DISP1: variants seen among roughly 807,000 people sequenced by gnomAD.
The protein encoded by DISP1 is protein dispatched homolog 1.
Under a neutral mutation model 37.3 loss-of-function variants are expected in DISP1, and 30 were observed. That is an observed-to-expected ratio of 0.80 (90% CI 0.60 to 1.09). DISP1 has a LOEUF of 1.09. DISP1 is among the 50% of genes least tolerant of loss of function. The pLI is 0.00. For synonymous variants in DISP1, 634 were observed against 690.2 expected, an observed-to-expected ratio of 0.92 and a Z score of 1.28; for missense variants, 1,598 against 1,879.5, an observed-to-expected ratio of 0.85 and a Z score of 2.77.
At chr1:222,903,390 T>C (rs996402952) in intron 1 of DISP1, among the ~76,000 whole-genome samples, 7 of 151,572 alleles carry the variant, frequency 4.6e-5, no homozygotes, top group Admixed American at 1.3e-4. Flanking sequence ...GTGGCATATG[T>C]ATACATATGT....
chr1:223,004,707 G>C lies in DISP1; in HGVS notation c.3310G>C (p.Ala1104Pro), dbSNP rs913637974. 1 of 1,613,860 alleles carries C rather than the reference G, an allele frequency of 6.2e-7. No individual in the cohort carries two copies. Among genetic ancestry groups the C allele is most frequent in the Non-Finnish European group, 8.5e-7 (1 of 1,180,038 alleles). The change falls in exon 9 of 9, where the codon GCT (alanine) becomes CCT (proline). Residue 1104 changes from alanine to proline, a missense_variant. Ala to Pro is a conservative substitution (Grantham distance 27, BLOSUM62 -1). Coordinates refer to ENST00000675850, the MANE Select transcript of DISP1 (RefSeq NM_001377229.1). This position sits in a 1 kb window ranked among gnomAD's most constrained non-coding sequence, Gnocchi z 4.9. ...GAMMMPSTVL[A>P]YTQLGTFMML... ...CATGATGATGCCCTCCACAGTTCTA[G>C]CTTACACCCAGCTGGGCACCTTCAT... is the stretch of plus-strand genomic sequence containing the variant.
intron 3 of DISP1, among the ~76,000 whole-genome samples, chr1:222,973,580 C>G (rs1401371486): frequency 1.3e-5 from 2 of 152,144 alleles, no homozygotes; most frequent in Non-Finnish European, 2.9e-5. Context: ...TTCTTATTAA[C>G]AAGTGAACAG....
rs758331125 is a variant in DISP1, at chr1:223,003,348, T to G, written c.1951T>G (p.Trp651Gly). 1 of 1,614,176 alleles carries G rather than the reference T, an allele frequency of 6.2e-7. No homozygotes were observed. The highest frequency in any genetic ancestry group is 1.1e-5 in the South Asian group (1 of 91,088). Residue 651 changes from tryptophan (W) to glycine (G), a missense_variant, in exon 9 of 9, where the codon TGG becomes GGG. Transcript: ENST00000675850. The surrounding 1 kb of genome is among the most constrained non-coding windows in gnomAD (Gnocchi z 4.3). Reference sequence around the variant, plus strand: ...GGTGAATTACGTTTTGATGGTCACATGGCTTCCAGCAGTTGTTGTGCTGCA... The same window carrying G: ...GGTGAATTACGTTTTGATGGTCACAGGGCTTCCAGCAGTTGTTGTGCTGCA... ...ILVNYVLMVTWLPAVVVLHER... is the reference protein window; with the variant it reads ...ILVNYVLMVTGLPAVVVLHER...
At position 222,966,224 on chromosome 1, in the gene DISP1, C is replaced by CA. The variant is rs1676477640; in HGVS notation, c.510-16853dup. On this transcript the variant is annotated intron_variant, in intron 3 of 8. Coordinates refer to ENST00000675850, the MANE Select transcript of DISP1 (RefSeq NM_001377229.1). ...GATATTGTTGATTCAGGTGGGAACT[C>CA]AAACTTGGAAAGAAACTAAAATGTA... is the stretch of plus-strand genomic sequence containing the variant. 2.0e-5 allele frequency among the ~76,000 whole-genome samples: 3 copies of CA among 152,034 alleles called. 1 individual carries two copies. The highest frequency in any genetic ancestry group is 2.4e-5 in the African/African-American group (1 of 41,376).
intron 1 of DISP1, among the ~76,000 whole-genome samples, chr1:222,915,081 C>T (rs954487543): frequency 6.6e-6 from 1 of 152,160 alleles, no homozygotes; most frequent in African/African-American, 2.4e-5. Context: ...CTGTGGTTGT[C>T]CTGGACACTG....
intron 1 of DISP1, among the ~76,000 whole-genome samples, chr1:222,819,538 C>CTTTT (rs762729584): frequency 8.5e-6 from 1 of 118,292 alleles, no homozygotes; most frequent in Non-Finnish European, 1.7e-5. Context: ...ACACACATAT[C>CTTTT]TTTTTTTTTT....
intron 1 of DISP1, among the ~76,000 whole-genome samples, chr1:222,905,852 T>A (rs1201190674): frequency 3.3e-5 from 5 of 151,864 alleles, no homozygotes; most frequent in African/African-American, 4.8e-5. Context: ...TAAAAGCAAA[T>A]TTAAAAATAT....
intron 1 of DISP1, among the ~76,000 whole-genome samples, chr1:222,877,432 A>G (rs1038423023): frequency 4.6e-5 from 7 of 152,214 alleles, no homozygotes; most frequent in Admixed American, 3.9e-4. Context: ...CTTATTCACT[A>G]TCACAAGAAC....
intron 1 of DISP1, among the ~76,000 whole-genome samples, chr1:222,834,183 T>C (rs964160202): frequency 1.3e-5 from 2 of 152,176 alleles, no homozygotes; most frequent in African/African-American, 4.8e-5. Context: ...ATTTTTCTTC[T>C]GCTTACCCCC....
At chr1:222,972,843 A>G (rs533347420) in intron 3 of DISP1, among the ~76,000 whole-genome samples, 11 of 152,210 alleles carry the variant, frequency 7.2e-5, no homozygotes, top group African/African-American at 2.4e-4. Context: ...TTTCCTGGCA[A>G]ATTGTCCAAG....
intron 7 of DISP1, among the ~76,000 whole-genome samples, chr1:222,994,525 CT>C: frequency 6.6e-6 from 1 of 152,166 alleles, no homozygotes; most frequent in East Asian, 1.9e-4. Flanking sequence ...CCTAGTGCAT[CT>C]TTTTGTATTA....
chr1:222,837,512 T>TA (rs1667311677), intron 1 of DISP1: 1 of 154,394 alleles, frequency 6.5e-6, no homozygotes, highest in Non-Finnish European at 1.4e-5. Flanking sequence ...GGTGGCCCAT[T>TA]ATCAGTATTA....
chr1:222,980,280 T>C (rs1677734634), intron 3 of DISP1, among the ~76,000 whole-genome samples: 1 of 152,196 alleles, frequency 6.6e-6, no homozygotes, highest in South Asian at 2.1e-4. Flanking sequence ...ACCAACAAAC[T>C]AATGGTTCCT....
At chr1:222,894,626 G>A (rs1035042191) in intron 1 of DISP1, among the ~76,000 whole-genome samples, 1 of 152,226 alleles carries the variant, frequency 6.6e-6, no homozygotes, top group Non-Finnish European at 1.5e-5. Context: ...GCCCCCAAGA[G>A]TGCAGAGATG....
At chr1:222,946,362 C>T (rs1383265901) in intron 3 of DISP1, among the ~76,000 whole-genome samples, 92 of 123,174 alleles carry the variant, frequency 7.5e-4, no homozygotes, top group African/African-American at 2.5e-3. Context: ...CCAGCCTGGG[C>T]GACAAAGTGA....
At chr1:222,820,145 A>C (rs1662449490) in intron 1 of DISP1, among the ~76,000 whole-genome samples, 1 of 152,186 alleles carries the variant, frequency 6.6e-6, no homozygotes, top group Non-Finnish European at 1.5e-5. Context: ...GAAGCTAATC[A>C]AGGGCAGATT....
intron 1 of DISP1, among the ~76,000 whole-genome samples, chr1:222,927,619 A>G (rs1360723584): frequency 4.6e-5 from 7 of 152,226 alleles, no homozygotes; most frequent in Admixed American, 6.5e-5. Flanking sequence ...TATAGTTAGT[A>G]CATCCTGCTA....
intron 3 of DISP1, among the ~76,000 whole-genome samples, chr1:222,978,450 A>C (rs1207741594): frequency 6.6e-6 from 1 of 151,860 alleles, no homozygotes; most frequent in Non-Finnish European, 1.5e-5. Flanking sequence ...GATTGCAAAA[A>C]TTTTCTCCAT....
chr1:222,984,797 T>C (rs528542098), intron 4 of DISP1, among the ~76,000 whole-genome samples: 42 of 152,262 alleles, frequency 2.8e-4, no homozygotes, highest in African/African-American at 9.4e-4. Flanking sequence ...CCCCATTTTC[T>C]CCTACCCCCA....
Sources: gnomAD v4.1 joint callset for allele counts (sites outside exome capture counted in the v4.1 genomes callset) on GRCh38, gnomAD v4.1.1 for gene constraint, Gnocchi (gnomAD v3.1) non-coding constraint, MANE v1.5 for transcripts, NCBI Gene and HGNC (gene_info 2026-07-23, HGNC 2026-07-21) for gene names.